Variants in CAVIN1 observed in about 807,000 individuals in gnomAD.
CAVIN1 encodes the protein caveolae associated protein 1.
Under a neutral mutation model 24.0 loss-of-function variants are expected in CAVIN1, and 16 were observed. That is an observed-to-expected ratio of 0.67 (90% confidence interval 0.45 to 1.01). CAVIN1 has a LOEUF of 1.01. Among genes scored for constraint, CAVIN1 ranks in the 50% least tolerant of loss-of-function variants. The pLI is 0.00. For missense variants in CAVIN1, 510 were observed against 551.7 expected, an observed-to-expected ratio of 0.92 and a Z score of 0.76; for synonymous variants, 256 against 256.4, an observed-to-expected ratio of 1.00 and a Z score of 0.02.
chr17:42,408,984 G>T (rs778226543), intron 1 of CAVIN1, among the ~76,000 whole-genome samples: 10 of 151,544 alleles, frequency 6.6e-5, no homozygotes, highest in Admixed American at 2.0e-4. Flanking sequence ...TAGAGACAGG[G>T]TTTCACCATG....
At chr17:42,416,680 C>T (rs1240001448) in intron 1 of CAVIN1, among the ~76,000 whole-genome samples, 1 of 151,194 alleles carries the variant, frequency 6.6e-6, no homozygotes, top group Non-Finnish European at 1.5e-5. Context: ...CCTAAAAATA[C>T]CCTCCCTGCT....
Position 42,423,125 on chromosome 17 carries a change from C to T in CAVIN1, c.-28G>A. 6.7e-7 allele frequency: 1 copy of T among 1,500,328 alleles called. No individual in the cohort carries two copies. The highest frequency in any genetic ancestry group is 9.0e-7 in the Non-Finnish European group (1 of 1,115,274). 92.9% of individuals were successfully genotyped at this position (1,500,328 alleles called of 1,614,324 possible). On this transcript the variant is annotated 5_prime_UTR_variant, in exon 1 of 2. Coordinates refer to ENST00000357037, the MANE Select transcript of CAVIN1 (RefSeq NM_012232.6). ...CTACCCGGAGCCGTGCGGGACCGGCCGGGTGGGGCTGGAGCTGGAGCGGGA... is the reference window on the plus strand; with the variant it reads ...CTACCCGGAGCCGTGCGGGACCGGCTGGGTGGGGCTGGAGCTGGAGCGGGA...
chr17:42,407,846 G>C (rs2085454657), intron 1 of CAVIN1, among the ~76,000 whole-genome samples: 1 of 152,140 alleles, frequency 6.6e-6, no homozygotes, highest in Non-Finnish European at 1.5e-5. Context: ...GAGTGTAGGA[G>C]AGTCTCAACT....
chr17:42,405,696 T>TG (rs1304235747), intron 1 of CAVIN1, among the ~76,000 whole-genome samples: 2 of 37,866 alleles, frequency 5.3e-5, no homozygotes, highest in Non-Finnish European at 1.8e-4. Flanking sequence ...TTTTTTTTTT[T>TG]TTTTTTTTTA....
intron 1 of CAVIN1, among the ~76,000 whole-genome samples, chr17:42,405,682 GTTTTTT>G (rs531661585): frequency 1.7e-5 from 1 of 57,820 alleles, no homozygotes; most frequent in African/African-American, 4.9e-5. Flanking sequence ...CTCTCTCCTT[GTTTTTT>G]TTTTTTTTTT....
At chr17:42,414,267 T>C (rs2085498871) in intron 1 of CAVIN1, among the ~76,000 whole-genome samples, 1 of 152,108 alleles carries the variant, frequency 6.6e-6, no homozygotes, top group African/African-American at 2.4e-5. Flanking sequence ...AGGAGAGGGA[T>C]AGGCATGGAA....
In CAVIN1 at chr17:42,404,722, C is replaced by A. The variant is rs2145470814; in HGVS notation, c.1138G>T (p.Asp380Tyr). Residue 380 changes from aspartate to tyrosine, a missense_variant, in exon 2 of 2, where the codon GAC becomes TAC. Transcript: ENST00000357037. ...HALLEITEESDAVLVDKSDSD is the reference protein window; with the variant it reads ...HALLEITEESYAVLVDKSDSD ...TCGCTCTTGTCCACCAGCACGGCGT[C>A]CGACTCCTCGGTGATCTCCAGCAGC... The A allele has an allele frequency of 2.0e-6, 3 of 1,495,218 alleles. No individual in the cohort carries two copies. Among genetic ancestry groups the A allele is most frequent in the Non-Finnish European group, 2.7e-6 (3 of 1,128,888 alleles). 92.6% of individuals were successfully genotyped at this position (1,495,218 alleles called of 1,614,324 possible). A position where few individuals can be genotyped will look rare whatever the true frequency, so the allele number is the denominator to read the frequency against.
intron 1 of CAVIN1, among the ~76,000 whole-genome samples, chr17:42,406,976 G>T (rs1328396131): frequency 6.6e-6 from 1 of 152,120 alleles, no homozygotes; most frequent in Non-Finnish European, 1.5e-5. Flanking sequence ...GAGCTCAGGG[G>T]TCTAGGAGTA....
At chr17:42,407,978 C>G (rs891695771) in intron 1 of CAVIN1, among the ~76,000 whole-genome samples, 58 of 152,024 alleles carry the variant, frequency 3.8e-4, no homozygotes, top group Non-Finnish European at 5.9e-5. Context: ...GATCTAAACC[C>G]TCTTCATCCA....
chr17:42,409,139 C>T (rs2085462068), intron 1 of CAVIN1, among the ~76,000 whole-genome samples: 2 of 151,568 alleles, frequency 1.3e-5, no homozygotes, highest in African/African-American at 2.4e-5. Flanking sequence ...CTTGTTCTGT[C>T]AACCAGGCTG....
intron 1 of CAVIN1, chr17:42,411,970 G>C (rs944016022): frequency 1.3e-4 from 133 of 985,286 alleles, no homozygotes; most frequent in Non-Finnish European, 1.5e-4. Context: ...TCCTGGCAGT[G>C]ATCACCACTA....
intron 1 of CAVIN1, among the ~76,000 whole-genome samples, chr17:42,410,782 C>T (rs919637566): frequency 6.7e-6 from 1 of 150,324 alleles, no homozygotes; most frequent in Non-Finnish European, 1.5e-5. Flanking sequence ...TGTGGTGGCA[C>T]GAGCCTGTAA....
At chr17:42,413,566 G>GAAAAAAAAAAAA (rs60085741) in intron 1 of CAVIN1, among the ~76,000 whole-genome samples, 6 of 56,964 alleles carry the variant, frequency 1.1e-4, no homozygotes, top group East Asian at 7.0e-4. Context: ...CTCAAAAAGG[G>GAAAAAAAAAAAA]AAAAAAAAAA....
At position 42,405,015 on chromosome 17, in the gene CAVIN1, A is replaced by C; in HGVS notation, c.845T>G (p.Val282Gly). Residue 282 changes from valine to glycine, a missense_variant, in exon 2 of 2, where the codon GTG becomes GGG. Physicochemically the swap from Val to Gly is moderately radical, Grantham distance 109 (BLOSUM62 -3). Transcript: ENST00000357037. The part of the protein sequence containing the change: ...KRMNKLGTRL[V>G]PAERREKLKT... ...CAGTTTCTCGCGCCGCTCGGCGGGC[A>C]CCAGGCGCGTGCCCAGCTTGTTCAT... 1 of 1,614,078 alleles carries C rather than the reference A, an allele frequency of 6.2e-7. No homozygotes were observed. Among genetic ancestry groups the C allele is most frequent in the Non-Finnish European group, 8.5e-7 (1 of 1,180,008 alleles).
Position 42,405,164 on chromosome 17 carries a change from G to T in CAVIN1, c.696C>A (p.Phe232Leu). The T allele has an allele frequency of 6.2e-7, 1 of 1,613,974 alleles. No homozygotes were observed. Among genetic ancestry groups the T allele is most frequent in the African/African-American group, 1.3e-5 (1 of 74,990 alleles). ...TCTTCTCCTTGGAGAAGGCCTTCTT[G>T]AAGTCGTCCACGCGCCGCAGGCCGC... Reference protein sequence around the residue: ...KRSGLRRVDDFKKAFSKEKME... With the variant: ...KRSGLRRVDDLKKAFSKEKME... Residue 232 changes from phenylalanine to leucine, a missense_variant, in exon 2 of 2, where the codon TTC becomes TTA. Transcript: ENST00000357037.
At chr17:42,412,308 A>G (rs1197148294) in intron 1 of CAVIN1, 1 of 984,030 alleles carries the variant, frequency 1.0e-6, no homozygotes, top group Non-Finnish European at 1.2e-6. Flanking sequence ...AGGAGTTGAG[A>G]AAAAAGGGCC....
intron 1 of CAVIN1, among the ~76,000 whole-genome samples, chr17:42,406,620 AC>A (rs200236656): frequency 0.015 from 2,205 of 151,806 alleles, 47 homozygotes; most frequent in African/African-American, 0.051. Context: ...CAAATGATCC[AC>A]CCGCCTTGGC....
At position 42,422,949 on chromosome 17, in the gene CAVIN1, T is replaced by C; in HGVS notation, c.149A>G (p.Asn50Ser). 1 of 1,613,990 alleles carries C rather than the reference T, an allele frequency of 6.2e-7. No homozygotes were observed. The highest frequency in any genetic ancestry group is 8.5e-7 in the Non-Finnish European group (1 of 1,179,994). ...CAGGAGGCTCAGCACCAGCACGCCG[T>C]TCACCTGGTCCGACTTGATCAGCTC... Reference protein sequence around the residue: ...SEELIKSDQVNGVLVLSLLDK... With the variant: ...SEELIKSDQVSGVLVLSLLDK... The change falls in exon 1 of 2, where the codon AAC becomes AGC. Residue 50 changes from asparagine (N) to serine (S), a missense_variant. Physicochemically the swap from Asn to Ser is conservative, Grantham distance 46 (BLOSUM62 1). Coordinates refer to ENST00000357037, the MANE Select transcript of CAVIN1 (RefSeq NM_012232.6).
rs2085434576 is a variant in CAVIN1, at chr17:42,405,053, GGT to G, written c.805_806del (p.Thr269ProfsTer155). 1 of 1,614,016 alleles carries G rather than the reference GGT, an allele frequency of 6.2e-7. No homozygotes were observed. Among genetic ancestry groups the G allele is most frequent in the Non-Finnish European group, 8.5e-7 (1 of 1,180,004 alleles). ...TKENLEKTRH[T>X]LEKRMNKLGT... ...CCAGCTTGTTCATGCGCTTCTCCAG[GGT>G]GTGCCGCGTCTTCTCCAGGTTTTCC... is the stretch of plus-strand genomic sequence containing the variant. On this transcript the variant is annotated frameshift_variant, in exon 2 of 2. Coordinates refer to ENST00000357037, the MANE Select transcript of CAVIN1 (RefSeq NM_012232.6). LOFTEE classifies it high-confidence loss of function.
Sources: allele counts gnomAD v4.1 joint callset (sites outside exome capture counted in the v4.1 genomes callset), GRCh38; gene constraint gnomAD v4.1.1; transcripts MANE v1.5; gene names NCBI Gene and HGNC (gene_info 2026-07-23, HGNC 2026-07-21).